The following GREB1 variants were observed in gnomAD, a reference collection of about 807,000 sequenced individuals.
GREB1 encodes growth regulating estrogen receptor binding 1.
A neutral mutation model predicts 200.7 loss-of-function variants in GREB1; 106 were observed. That is an observed-to-expected ratio of 0.53 (90% confidence interval 0.45 to 0.62). GREB1 has a LOEUF of 0.62. Among genes scored for constraint, GREB1 ranks in the 20% least tolerant of loss-of-function variants. The pLI is 0.00. For missense variants in GREB1, 2,243 were observed against 2,556.8 expected (o/e 0.88, Z 2.65); for synonymous variants, 1,132 against 1,092.4 (o/e 1.04, Z -0.72).
intron 16 of GREB1, among the ~76,000 whole-genome samples, chr2:11,601,804 G>A (rs572606382): frequency 4.6e-5 from 7 of 152,348 alleles, no homozygotes; most frequent in Middle Eastern, 3.4e-3. Flanking sequence ...ATGAGACAAA[G>A]TGGCCAACAA....
intron 1 of GREB1, among the ~76,000 whole-genome samples, chr2:11,541,060 G>C (rs909285195): frequency 6.6e-6 from 1 of 152,232 alleles, no homozygotes; most frequent in Non-Finnish European, 1.5e-5. Context: ...GCATGGGTCA[G>C]TGATGTCTGG....
intron 1 of GREB1, among the ~76,000 whole-genome samples, chr2:11,491,067 G>A (rs1229949247): frequency 1.3e-5 from 2 of 152,180 alleles, no homozygotes; most frequent in Non-Finnish European, 2.9e-5. Flanking sequence ...GTCTTTTGGC[G>A]ATACCCATTC....
At chr2:11,564,976 C>T (rs1196708385) in intron 3 of GREB1, among the ~76,000 whole-genome samples, 4 of 152,196 alleles carry the variant, frequency 2.6e-5, no homozygotes, top group African/African-American at 9.7e-5. Flanking sequence ...AACTCACTAT[C>T]ACAAGAATAG....
rs61483206 is a variant in GREB1, at chr2:11,509,486, A to AT, written c.-159+27105_-159+27106insT. On this transcript the variant is annotated intron_variant, in intron 1 of 2. Transcript: ENST00000628795. ...TAAAGGTGTTCTCTTTAAAAAAAAA[A>AT]GTTACCACAATACCGTTATCACACC... 3.2e-3 allele frequency among the ~76,000 whole-genome samples: 489 copies of AT among 151,368 alleles called. 4 individuals carry two copies. The highest frequency in any genetic ancestry group is 9.6e-3 in the African/African-American group (397 of 41,366).
chr2:11,519,390 C>G (rs1673625965), intron 1 of GREB1, among the ~76,000 whole-genome samples: 1 of 145,754 alleles, frequency 6.9e-6, no homozygotes, highest in South Asian at 2.1e-4. Flanking sequence ...CAGGTATTCT[C>G]TGATTATCCT....
chr2:11,543,058 T>C (rs1674918450), intron 1 of GREB1, among the ~76,000 whole-genome samples: 1 of 152,068 alleles, frequency 6.6e-6, no homozygotes, highest in Admixed American at 6.5e-5. Flanking sequence ...TTTTTAGGGG[T>C]TGTTTTCTGG....
Position 11,605,768 on chromosome 2 carries a change from G to A in GREB1, c.2666+3226G>A, listed in dbSNP as rs1682224201. ...TTGAAATTCATCCATGTTGTTTTAT[G>A]TATCAATAGTTTGTTCCTTTTTACT... On this transcript the variant is annotated intron_variant, in intron 17 of 32. Transcript: ENST00000381486. Among the ~76,000 whole-genome samples the A allele has an allele frequency of 2.6e-5, 4 of 152,254 alleles. No individual in the cohort carries two copies. The South Asian group carries it at 8.3e-4, about 32-fold the overall frequency.
chr2:11,502,942 T>A (rs1052583350), intron 1 of GREB1, among the ~76,000 whole-genome samples: 7 of 152,098 alleles, frequency 4.6e-5, no homozygotes, highest in Non-Finnish European at 1.0e-4. Context: ...GAATTGAGAT[T>A]CATACGAAGT....
chr2:11,528,071 C>T (rs1182422599), intron 1 of GREB1, among the ~76,000 whole-genome samples: 1 of 152,146 alleles, frequency 6.6e-6, no homozygotes, highest in East Asian at 1.9e-4. Flanking sequence ...TCCACCAAAC[C>T]CAAAACATCC....
chr2:11,607,592 A>ACATATATACACATATATG (rs1682492931), intron 17 of GREB1, among the ~76,000 whole-genome samples: 1 of 12,506 alleles, frequency 8.0e-5, no homozygotes, highest in Non-Finnish European at 1.5e-3. Context: ...ATACATATAT[A>ACATATATACACATATATG]CATATATATA....
intron 1 of GREB1, among the ~76,000 whole-genome samples, chr2:11,514,610 C>A (rs1673436068): frequency 6.6e-6 from 1 of 152,182 alleles, no homozygotes; most frequent in South Asian, 2.1e-4. Context: ...CTGGAATGAA[C>A]TTTGGAGGTT....
intron 9 of GREB1, among the ~76,000 whole-genome samples, chr2:11,586,322 C>T (rs1044837574): frequency 5.3e-5 from 8 of 152,236 alleles, no homozygotes; most frequent in African/African-American, 1.2e-4. Context: ...TTATCACCCA[C>T]GCCACTAGTA....
intron 1 of GREB1, among the ~76,000 whole-genome samples, chr2:11,512,720 A>G (rs1307813401): frequency 1.3e-5 from 2 of 152,236 alleles, no homozygotes; most frequent in African/African-American, 2.4e-5. Flanking sequence ...CAAAGAGGAT[A>G]AGACCTCTTG....
At chr2:11,498,110 T>A (rs1672937360) in intron 1 of GREB1, among the ~76,000 whole-genome samples, 1 of 151,270 alleles carries the variant, frequency 6.6e-6, no homozygotes, top group South Asian at 2.1e-4. Context: ...ACATTTTAAT[T>A]TTTATGAAGT....
chr2:11,508,108 TG>T (rs1367612764), intron 1 of GREB1, among the ~76,000 whole-genome samples: 2 of 152,188 alleles, frequency 1.3e-5, no homozygotes, highest in Non-Finnish European at 2.9e-5. Flanking sequence ...CTTCTTCTTC[TG>T]AGAGAAGGAG....
chr2:11,627,790 C>A (rs989389256), intron 25 of GREB1, among the ~76,000 whole-genome samples: 2 of 152,200 alleles, frequency 1.3e-5, no homozygotes, highest in African/African-American at 2.4e-5. Context: ...TGGGAGCTGT[C>A]CTATCTAGTG....
intron 25 of GREB1, 52 bp downstream of exon 25, chr2:11,627,156 G>C: frequency 6.7e-7 from 1 of 1,487,816 alleles, no homozygotes; most frequent in Non-Finnish European, 9.0e-7. Context: ...CACATTGTCC[G>C]TTCCCCTGCT....
intron 8 of GREB1, 133 bp from the exon 9 acceptor site, chr2:11,585,629 C>CT: frequency 1.1e-6 from 1 of 915,788 alleles, no homozygotes. Context: ...ATCTGTGACT[C>CT]TAAGAGTTTG....
At chr2:11,623,292 A>G (rs548632959) in intron 23 of GREB1, among the ~76,000 whole-genome samples, 18 of 152,366 alleles carry the variant, frequency 1.2e-4, no homozygotes, top group African/African-American at 4.1e-4. Flanking sequence ...TGTACAACAC[A>G]TAGCACTTGA....
Sources: gnomAD v4.1 joint callset for allele counts (sites outside exome capture counted in the v4.1 genomes callset) on GRCh38, gnomAD v4.1.1 for gene constraint, MANE v1.5 for transcripts, NCBI Gene and HGNC (gene_info 2026-07-23, HGNC 2026-07-21) for gene names.